The following RHD variants were observed in gnomAD, a reference collection of about 807,000 sequenced individuals.
RHD encodes the protein blood group Rh(D) polypeptide.
Under a neutral mutation model 45.5 loss-of-function variants are expected in RHD, and 16 were observed. The observed-to-expected ratio is 0.35, with a 90% CI of 0.24 to 0.53. The LOEUF (loss-of-function observed/expected upper bound fraction) is 0.53, where lower values mean the gene tolerates loss of function less well. Ranked by LOEUF, RHD falls within the 20% of genes least tolerant of loss-of-function variation. The pLI is 0.92. For missense variants in RHD, 306 were observed against 532.0 expected, an observed-to-expected ratio of 0.58 and a Z score of 4.18; for synonymous variants, 131 against 217.5, an observed-to-expected ratio of 0.60 and a Z score of 3.50.
At chr1:25,289,251 G>A (rs552610184) in intron 2 of RHD, among the ~76,000 whole-genome samples, 1 of 132,670 alleles carries the variant, frequency 7.5e-6, no homozygotes, top group Non-Finnish European at 1.8e-5. Context: ...CTGGAGTGCA[G>A]TGGTGCAGTC....
intron 7 of RHD, among the ~76,000 whole-genome samples, chr1:25,312,574 T>A (rs1366827861): frequency 1.5e-5 from 2 of 129,148 alleles, no homozygotes; most frequent in African/African-American, 5.3e-5. Context: ...GTGAGACCTG[T>A]CTCTACAAAA....
rs1346143395 is a variant in RHD at position 25,281,178 on chromosome 1, G to C, written c.149-3395G>C. ...GCAAGGACATAGTTCCAGGCATTCAGAGCTGGGCTCTGCTGCCGGCATGTT... is the reference window on the plus strand; with the variant it reads ...GCAAGGACATAGTTCCAGGCATTCACAGCTGGGCTCTGCTGCCGGCATGTT... On this transcript the variant is annotated intron_variant, in intron 1 of 9. Transcript: ENST00000328664. Among the ~76,000 whole-genome samples, 4 of 132,408 alleles carry C rather than the reference G, an allele frequency of 3.0e-5. 1 individual carries two copies. The East Asian group carries it at 7.8e-4, about 26-fold the overall frequency. 86.9% of individuals were successfully genotyped at this position (132,408 alleles called of 152,430 possible).
chr1:25,290,585 A>G lies in RHD; in HGVS notation c.336-56A>G, dbSNP rs559319954. On this transcript the variant is annotated intron_variant, in intron 2 of 9. Transcript: ENST00000328664. ...AATGAATGAATGAATGAATGAATGA[A>G]TGAGTGAGAGGCATCCTTCCTTCTC... 6.5e-5 allele frequency: 76 copies of G among 1,172,890 alleles called. 8 individuals carry two copies. Among genetic ancestry groups the G allele is most frequent in the Middle Eastern group, 3.9e-4 (2 of 5,094 alleles). 72.7% of individuals were successfully genotyped at this position (1,172,890 alleles called of 1,614,324 possible).
In RHD at chr1:25,322,237, C is replaced by A. The variant is rs640760; in HGVS notation, c.1227+275C>A. The stretch of plus-strand genomic sequence containing the variant: ...TTTCACTGGCCACACTTCCCCTCCC[C>A]CTATCTGCAGTCCTCAGCGTAGCCA... On this transcript the variant is annotated intron_variant, in intron 9 of 9. Transcript: ENST00000328664. Among the ~76,000 whole-genome samples, 38 of 132,266 alleles carry A rather than the reference C, an allele frequency of 2.9e-4. 9 individuals carry two copies. The highest frequency in any genetic ancestry group is 5.4e-5 in the Non-Finnish European group (3 of 55,686). The allele number at this position is 132,266 out of a possible 152,430, so 86.8% of individuals were successfully genotyped here. A position where few individuals can be genotyped will look rare whatever the true frequency, so the allele number is the denominator to read the frequency against.
At chr1:25,307,513 ATTGACTGCTTTAAAAGTG>A (rs1227232002) in intron 7 of RHD, 2 of 509,770 alleles carry the variant, frequency 3.9e-6, no homozygotes, top group Admixed American at 3.0e-5. Flanking sequence ...TACTACTGTT[ATTGACTGCTTTAAAAGTG>A]TTGGGCATTG....
rs375347442 is a variant in RHD at position 25,309,064 on chromosome 1, A to G, written c.1073+2335A>G. ...AGAGAGGATTAAGCGCAAAGTCACA[A>G]CACTTAATGGGAACTGTGGATTAGC... On this transcript the variant is annotated intron_variant, in intron 7 of 9. Coordinates refer to ENST00000328664, the MANE Select transcript of RHD (RefSeq NM_016124.6). Among the ~76,000 whole-genome samples, 9 of 131,948 alleles carry G rather than the reference A, an allele frequency of 6.8e-5. 2 individuals carry two copies. Among genetic ancestry groups the G allele is most frequent in the African/African-American group, 2.1e-4 (8 of 38,114 alleles). 86.6% of individuals were successfully genotyped at this position (131,948 alleles called of 152,430 possible). A position where few individuals can be genotyped will look rare whatever the true frequency, so the allele number is the denominator to read the frequency against.
intron 2 of RHD, among the ~76,000 whole-genome samples, chr1:25,289,346 C>T (rs1350825871): frequency 7.9e-6 from 1 of 127,144 alleles, no homozygotes; most frequent in African/African-American, 2.7e-5. Flanking sequence ...AAGCATGCAC[C>T]ACCATGCCCG....
rs1337363875 is a variant in RHD at position 25,311,225 on chromosome 1, C to T, written c.1073+4496C>T. ...ATCCTTTTTATAAAGAAGCAAAGAT[C>T]TTAGCTGAACTTTTTCTGTGCCAGA... On this transcript the variant is annotated intron_variant, in intron 7 of 9. Transcript: ENST00000328664. 3.0e-5 allele frequency among the ~76,000 whole-genome samples: 4 copies of T among 132,372 alleles called. 1 individual carries two copies. Among genetic ancestry groups the T allele is most frequent in the Non-Finnish European group, 7.2e-5 (4 of 55,886 alleles). The allele number at this position is 132,372 out of a possible 152,430, so 86.8% of individuals were successfully genotyped here.
intron 2 of RHD, among the ~76,000 whole-genome samples, chr1:25,286,241 T>C (rs1641979526): frequency 7.4e-6 from 1 of 135,436 alleles, no homozygotes; most frequent in African/African-American, 2.5e-5. Context: ...GTAATCCCAG[T>C]ACTTTTGGGA....
intron 2 of RHD, among the ~76,000 whole-genome samples, chr1:25,288,943 C>T (rs1327358547): frequency 1.5e-5 from 2 of 133,842 alleles, no homozygotes; most frequent in African/African-American, 5.2e-5. Flanking sequence ...AGACTCCTTC[C>T]CCATGCCCTT....
In RHD at chr1:25,329,174, C is replaced by A. The variant is rs1343929498; in HGVS notation, c.*250C>A. The A allele has an allele frequency of 6.1e-6, 5 of 820,854 alleles. 2 individuals are homozygous for A. Among genetic ancestry groups the A allele is most frequent in the Non-Finnish European group, 9.7e-6 (5 of 517,352 alleles). The allele number at this position is 820,854 out of a possible 1,614,324, so 50.8% of individuals were successfully genotyped here. Reference sequence around the variant, plus strand: ...TACCACATAACAACATCTTGGTAAACAACAGACTGCATATATGATGGTGGT... The same window carrying A: ...TACCACATAACAACATCTTGGTAAAAAACAGACTGCATATATGATGGTGGT... On this transcript the variant is annotated 3_prime_UTR_variant, in exon 10 of 10. Transcript: ENST00000328664.
Position 25,296,770 on chromosome 1 carries a change from C to T in RHD, c.487-4176C>T, listed in dbSNP as rs1308398793. Among the ~76,000 whole-genome samples, 11 of 121,706 alleles carry T rather than the reference C, an allele frequency of 9.0e-5. 1 individual carries two copies. The highest frequency in any genetic ancestry group is 2.9e-4 in the African/African-American group (11 of 37,318). 79.8% of individuals were successfully genotyped at this position (121,706 alleles called of 152,430 possible). A position where few individuals can be genotyped will look rare whatever the true frequency, so the allele number is the denominator to read the frequency against. On this transcript the variant is annotated intron_variant, in intron 3 of 9. Transcript: ENST00000328664. ...TCTCTCTCTCTCTCACCTGACACCA[C>T]GTAAGATGTGCCTTGCTTCCCTTTC...
At chr1:25,291,149 C>CAGATAGAT (rs1306474266) in intron 3 of RHD, among the ~76,000 whole-genome samples, 2 of 123,446 alleles carry the variant, frequency 1.6e-5, no homozygotes, top group Admixed American at 7.8e-5. Context: ...GGTGGATAGA[C>CAGATAGAT]AGATAGATAG....
chr1:25,279,179 G>A (rs1393259459), intron 1 of RHD, among the ~76,000 whole-genome samples: 1 of 125,288 alleles, frequency 8.0e-6, no homozygotes, highest in Admixed American at 7.8e-5. Context: ...CAACAGGCCT[G>A]GGGGAGAGCA....
chr1:25,283,314 T>G (rs1641663044), intron 1 of RHD, among the ~76,000 whole-genome samples: 1 of 131,806 alleles, frequency 7.6e-6, no homozygotes, highest in Non-Finnish European at 1.8e-5. Context: ...GCAGATCACT[T>G]GAGGTCAGGA....
intron 5 of RHD, among the ~76,000 whole-genome samples, chr1:25,302,397 G>A (rs1643458448): frequency 7.8e-6 from 1 of 128,558 alleles, no homozygotes; most frequent in African/African-American, 2.7e-5. Context: ...AGGCACTGGG[G>A]GGGCTGGAGT....
intron 7 of RHD, among the ~76,000 whole-genome samples, chr1:25,310,257 G>A (rs1325238520): frequency 1.5e-5 from 2 of 133,252 alleles, no homozygotes; most frequent in African/African-American, 5.1e-5. Context: ...ATGGTTTTTG[G>A]AGGAAGGGCC....
At chr1:25,316,489 G>A (rs1380612103) in intron 7 of RHD, among the ~76,000 whole-genome samples, 3 of 119,736 alleles carry the variant, frequency 2.5e-5, no homozygotes, top group South Asian at 2.6e-4. Flanking sequence ...GTATGGTGGC[G>A]CATGCCTGTA....
intron 8 of RHD, chr1:25,318,204 T>C (rs1219948096): frequency 1.6e-5 from 2 of 128,368 alleles, no homozygotes; most frequent in African/African-American, 5.3e-5. Context: ...TCCCAGCTAC[T>C]TGGGAGGCTG....
Sources: allele counts gnomAD v4.1 joint callset (sites outside exome capture counted in the v4.1 genomes callset), GRCh38; gene constraint gnomAD v4.1.1; transcripts MANE v1.5; gene names NCBI Gene and HGNC (gene_info 2026-07-23, HGNC 2026-07-21).